The following ZFHX4 variants were observed in gnomAD, a reference collection of about 807,000 sequenced individuals.
The protein encoded by ZFHX4 is zinc finger homeobox protein 4.
A neutral mutation model predicts 267.6 loss-of-function variants in ZFHX4; 56 were observed. The observed-to-expected ratio is 0.21, with a 90% CI of 0.17 to 0.26. ZFHX4 has a LOEUF of 0.26. ZFHX4 is among the 10% of genes least tolerant of loss of function. The probability of loss-of-function intolerance (pLI) is 1.00; values close to 1 mark genes in which losing one functional copy is unlikely to be tolerated. For synonymous variants in ZFHX4, 1,778 were observed against 1,665.6 expected (o/e 1.07, Z -1.64); for missense variants, 4,332 against 4,420.0 (o/e 0.98, Z 0.56).
intron 4 of ZFHX4, among the ~76,000 whole-genome samples, chr8:76,831,393 C>T (rs1458976970): frequency 1.3e-5 from 2 of 151,742 alleles, no homozygotes; most frequent in Non-Finnish European, 2.9e-5. Flanking sequence ...CATGCACACA[C>T]ATAGAGAGAG....
At chr8:76,769,109 ATAAAG>A (rs1810190395) in intron 3 of ZFHX4, among the ~76,000 whole-genome samples, 1 of 152,094 alleles carries the variant, frequency 6.6e-6, no homozygotes, top group South Asian at 2.1e-4. Flanking sequence ...ATAAAATAAA[ATAAAG>A]TAGAGGGCTT....
rs1263734221 is a variant in ZFHX4 at position 76,707,568 on chromosome 8, A to C, written c.2613A>C (p.Glu871Asp). 1 of 1,587,546 alleles carries C rather than the reference A, an allele frequency of 6.3e-7. No homozygotes were observed. Among genetic ancestry groups the C allele is most frequent in the South Asian group, 1.1e-5 (1 of 87,612 alleles). The change falls in exon 3 of 11, where the codon GAA (glutamate) becomes GAC (aspartate). Residue 871 changes from glutamate (E) to aspartate (D), a missense_variant. Glu to Asp is a conservative substitution (Grantham distance 45). This residue lies in a region of ZFHX4 where 1,195 missense variants were observed against 1,173.6 expected (regional missense o/e 1.02). Coordinates refer to ENST00000651372, the MANE Select transcript of ZFHX4 (RefSeq NM_024721.5). ...TAGTAAATAATGAGCTGCCGCCTGA[A>C]ATCCGGCTTGCCAGTGGTCAGCTAA... Reference protein sequence around the residue: ...PGLVNNELPPEIRLASGQLMG... With the variant: ...PGLVNNELPPDIRLASGQLMG...
At chr8:76,834,491 G>T (rs377455098) in intron 5 of ZFHX4, 2 of 159,518 alleles carry the variant, frequency 1.3e-5, no homozygotes, top group African/African-American at 4.8e-5. Context: ...GACATGTGAT[G>T]TGGATTTTTT....
chr8:76,707,393 T>C (rs1331091720), intron 2 of ZFHX4, among the ~76,000 whole-genome samples, 153 bp from the exon 3 acceptor site: 1 of 152,252 alleles, frequency 6.6e-6, no homozygotes, highest in African/African-American at 2.4e-5. Flanking sequence ...AAAGGGATGA[T>C]TGTAATTGAT....
intron 3 of ZFHX4, among the ~76,000 whole-genome samples, chr8:76,742,085 G>A (rs1273987472): frequency 6.6e-6 from 1 of 152,210 alleles, no homozygotes; most frequent in African/African-American, 2.4e-5. Flanking sequence ...CTAATGTGTT[G>A]CTAGAGGGAT....
intron 4 of ZFHX4, among the ~76,000 whole-genome samples, chr8:76,783,346 G>T (rs1325535612): frequency 6.6e-6 from 1 of 151,900 alleles, no homozygotes; most frequent in East Asian, 1.9e-4. Context: ...ATTTTGCTCG[G>T]TTGCTTTCTG....
At chr8:76,726,192 A>G (rs1288880714) in intron 3 of ZFHX4, among the ~76,000 whole-genome samples, 1 of 152,198 alleles carries the variant, frequency 6.6e-6, no homozygotes, top group Non-Finnish European at 1.5e-5. Flanking sequence ...AAAAATCAAA[A>G]GAGCCTATCT....
At chr8:76,861,087 G>A (rs1180253723) in intron 10 of ZFHX4, among the ~76,000 whole-genome samples, 1 of 152,058 alleles carries the variant, frequency 6.6e-6, no homozygotes, top group African/African-American at 2.4e-5. Flanking sequence ...AGATCAGAGA[G>A]TTTATTCATT....
At chr8:76,725,025 G>A (rs1020566854) in intron 3 of ZFHX4, among the ~76,000 whole-genome samples, 4 of 152,038 alleles carry the variant, frequency 2.6e-5, no homozygotes, top group Non-Finnish European at 4.4e-5. Flanking sequence ...ATGTGTATGT[G>A]TAGATATTGA....
chr8:76,743,089 T>G (rs994557361), intron 3 of ZFHX4, among the ~76,000 whole-genome samples: 1 of 152,198 alleles, frequency 6.6e-6, no homozygotes, highest in Non-Finnish European at 1.5e-5. Flanking sequence ...CATTTATCTT[T>G]CCAGTGCAGA....
chr8:76,811,465 T>C (rs571434640), intron 4 of ZFHX4, among the ~76,000 whole-genome samples: 2 of 152,322 alleles, frequency 1.3e-5, no homozygotes, highest in East Asian at 3.9e-4. Flanking sequence ...TTTCAGTGTC[T>C]GTGGTTGTGT....
intron 4 of ZFHX4, among the ~76,000 whole-genome samples, chr8:76,797,353 A>G (rs1284620721): frequency 6.6e-6 from 1 of 152,210 alleles, no homozygotes; most frequent in East Asian, 1.9e-4. Flanking sequence ...GAGATTTCAT[A>G]TGTATAACCA....
chr8:76,862,411 G>A (rs1457235975), intron 10 of ZFHX4, among the ~76,000 whole-genome samples: 1 of 152,148 alleles, frequency 6.6e-6, no homozygotes, highest in Non-Finnish European at 1.5e-5. Context: ...AAGTTGTCAG[G>A]ATGGTAACAA....
chr8:76,761,006 T>C (rs898712570), intron 3 of ZFHX4, among the ~76,000 whole-genome samples: 6 of 151,212 alleles, frequency 4.0e-5, no homozygotes, highest in Non-Finnish European at 7.4e-5. Context: ...ACTAAACACA[T>C]TTCTTAGGTG....
Position 76,854,500 on chromosome 8 carries a change from C to T in ZFHX4, c.7579C>T (p.Pro2527Ser). The change falls in exon 10 of 11, where the codon CCG becomes TCG. Residue 2527 changes from proline (P) to serine (S), a missense_variant. Physicochemically the swap from Pro to Ser is moderately conservative, Grantham distance 74. Coordinates refer to ENST00000651372, the MANE Select transcript of ZFHX4 (RefSeq NM_024721.5). Reference protein sequence around the residue: ...LAAQNQFLHSPFLERPMDMPY... With the variant: ...LAAQNQFLHSSFLERPMDMPY... ...TGCTCAAAACCAATTCCTTCACTCTCCGTTCTTGGAAAGGCCCATGGACAT... is the reference window on the plus strand; with the variant it reads ...TGCTCAAAACCAATTCCTTCACTCTTCGTTCTTGGAAAGGCCCATGGACAT... 6.2e-7 allele frequency: 1 copy of T among 1,613,880 alleles called. No homozygotes were observed. Among genetic ancestry groups the T allele is most frequent in the Non-Finnish European group, 8.5e-7 (1 of 1,179,862 alleles).
chr8:76,804,514 C>A (rs913611523), intron 4 of ZFHX4, among the ~76,000 whole-genome samples: 4 of 151,884 alleles, frequency 2.6e-5, no homozygotes. Context: ...TTGACTCAGT[C>A]GACAAATCTA....
chr8:76,792,858 G>A (rs1182733117), intron 4 of ZFHX4, among the ~76,000 whole-genome samples: 2 of 151,952 alleles, frequency 1.3e-5, no homozygotes, highest in African/African-American at 2.4e-5. Context: ...TTAAATATAC[G>A]ATGAATCTGA....
chr8:76,857,797 T>C (rs1177214445), intron 10 of ZFHX4, among the ~76,000 whole-genome samples: 2 of 152,112 alleles, frequency 1.3e-5, no homozygotes, highest in Non-Finnish European at 2.9e-5. Flanking sequence ...GTACATTTTA[T>C]TTAAGTAAAA....
intron 3 of ZFHX4, among the ~76,000 whole-genome samples, chr8:76,772,259 A>G (rs1810283767): frequency 6.6e-6 from 1 of 152,106 alleles, no homozygotes; most frequent in African/African-American, 2.4e-5. Flanking sequence ...TGTGTTTTTT[A>G]TTTGTTGAAT....
Sources: allele counts gnomAD v4.1 joint callset (sites outside exome capture counted in the v4.1 genomes callset), GRCh38; gene constraint gnomAD v4.1.1; regional missense constraint gnomAD v4.1.1; transcripts MANE v1.5; gene names NCBI Gene and HGNC (gene_info 2026-07-23, HGNC 2026-07-21).